Variants in TTN observed in about 807,000 individuals in gnomAD.
TTN encodes titin.
TTN carries 1,525 observed loss-of-function variants against 3,223.0 expected under a neutral mutation model. The ratio of observed to expected loss-of-function variants is 0.47; its 90% CI spans 0.45 to 0.49. TTN has a LOEUF of 0.49. Among genes scored for constraint, TTN ranks in the 20% least tolerant of loss-of-function variants. TTN has a pLI of 0.00. For missense variants in TTN, 40,786 were observed against 43,424.0 expected (o/e 0.94, Z 5.40); for synonymous variants, 14,094 against 15,161.0 (o/e 0.93, Z 5.17).
chr2:178,732,337 T>G lies in TTN; in HGVS notation c.16632A>C (p.Thr5544=). 6.3e-6 allele frequency: 10 copies of G among 1,599,476 alleles called. No homozygotes were observed. The highest frequency in any genetic ancestry group is 8.5e-6 in the Non-Finnish European group (10 of 1,171,908). Residue 5544 remains threonine (T), a synonymous_variant, in exon 57 of 363, where the codon ACA becomes ACC. Transcript: ENST00000589042. The part of the protein sequence containing the change: ...SANLFVKEPA[T]FVEKLEPSQL... The stretch of plus-strand genomic sequence containing the variant: ...GTGATGGCTCTAACTTTTCAACAAA[T>G]GTGGCAGGTTCTGTGGAAGGAAGGA...
At chr2:178,710,551 A>T (rs2076505975) in intron 98 of TTN, 84 bp downstream of exon 98, 1 of 1,445,130 alleles carries the variant, frequency 6.9e-7, no homozygotes, top group South Asian at 1.4e-5. Flanking sequence ...CCTAAATTGC[A>T]TTCATCATCA....
chr2:178,679,723 A>G, intron 140 of TTN, 41 bp from the exon 141 acceptor site: 1 of 1,572,202 alleles, frequency 6.4e-7, no homozygotes, highest in Non-Finnish European at 8.6e-7. Context: ...TTTTGCAGGA[A>G]AGAAATAAAA....
intron 312 of TTN, 182 bp from the exon 313 acceptor site, chr2:178,583,409 A>G: frequency 1.2e-6 from 1 of 808,346 alleles, no homozygotes; most frequent in East Asian, 2.8e-5. Context: ...GAAATTATAT[A>G]GTTGCCACAG....
intron 121 of TTN, among the ~76,000 whole-genome samples, chr2:178,691,729 C>T (rs1362827658): frequency 3.3e-5 from 5 of 152,104 alleles, no homozygotes; most frequent in Non-Finnish European, 7.4e-5. Flanking sequence ...AAACAAGTTT[C>T]ACAAACATTT....
rs773410270 is a variant in TTN, at chr2:178,580,059, T to G, written c.67228A>C (p.Lys22410Gln). The stretch of plus-strand genomic sequence containing the variant: ...AAATTAGCTACTCTGAAGCTTGTTT[T>G]GGAGCACTCAGTTGTCACTGTAGAC... ...SWSTVTTECS[K>Q]TSFRVANLEE... Residue 22410 changes from lysine (K) to glutamine (Q), a missense_variant, in exon 318 of 363, where the codon AAA becomes CAA. Physicochemically the swap from Lys to Gln is moderately conservative, Grantham distance 53 (BLOSUM62 1). Transcript: ENST00000589042. 2 of 1,613,360 alleles carry G rather than the reference T, an allele frequency of 1.2e-6. No individual in the cohort carries two copies. The highest frequency in any genetic ancestry group is 4.5e-5 in the East Asian group (2 of 44,800).
Position 178,599,759 on chromosome 2 carries a change from C to T in TTN, c.56142G>A (p.Pro18714=), listed in dbSNP as rs758771859. The T allele has an allele frequency of 2.3e-5, 37 of 1,612,334 alleles. No homozygotes were observed. The highest frequency in any genetic ancestry group is 3.1e-5 in the Non-Finnish European group (36 of 1,179,152). The change falls in exon 289 of 363, where the codon CCG becomes CCA. Residue 18714 remains proline, a synonymous_variant. Transcript: ENST00000589042. ...IVAKIKGVPF[P]TLTWFKAPPK... is the part of the protein sequence containing the mutation. ...GAGGAGCTTTAAACCAGGTTAGTGTCGGGAATGGCACACCTTTAATTTTGG... is the reference window on the plus strand; with the variant it reads ...GAGGAGCTTTAAACCAGGTTAGTGTTGGGAATGGCACACCTTTAATTTTGG...
intron 2 of TTN, 49 bp from the exon 3 acceptor site, chr2:178,802,390 G>GA (rs1437613949): frequency 2.5e-6 from 4 of 1,575,134 alleles, no homozygotes; most frequent in Non-Finnish European, 2.6e-6. Flanking sequence ...GCACCACAAA[G>GA]TCCTCTGCTC....
chr2:178,576,764 C>T lies in TTN; in HGVS notation c.69480G>A (p.Trp23160Ter). Residue 23160 changes from tryptophan to a stop codon, truncating the protein, a stop_gained, in exon 325 of 363, where the codon TGG (tryptophan) becomes TGA (stop). Transcript: ENST00000589042. LOFTEE classifies it high-confidence loss of function. This position sits in a 1 kb window ranked among gnomAD's most constrained non-coding sequence, Gnocchi z 4.3. ...NVTKNTATVS[W>*]KRPVDDGGSE... ...TGCCACCATCATCCACTGGCCTTTT[C>T]CAGCTGACAGTGGCAGTGTTCTTAG... 1 of 1,613,448 alleles carries T rather than the reference C, an allele frequency of 6.2e-7. No homozygotes were observed. Among genetic ancestry groups the T allele is most frequent in the Non-Finnish European group, 8.5e-7 (1 of 1,179,614 alleles).
intron 6 of TTN, among the ~76,000 whole-genome samples, chr2:178,797,025 A>G (rs1574950846): frequency 6.6e-6 from 1 of 152,220 alleles, no homozygotes; most frequent in African/African-American, 2.4e-5. Context: ...ATTATTGGAA[A>G]GCAAAATTTT....
chr2:178,783,346 T>C (rs915557012), intron 17 of TTN, among the ~76,000 whole-genome samples: 15 of 152,230 alleles, frequency 9.9e-5, no homozygotes, highest in African/African-American at 3.4e-4. Context: ...ATTCTCCTTC[T>C]GTTGTGATGT....
At position 178,686,363 on chromosome 2, in the gene TTN, A is replaced by G. The variant is rs547041070; in HGVS notation, c.32312-765T>C. On this transcript the variant is annotated intron_variant, in intron 127 of 362. Transcript: ENST00000589042. ...TCTCGATCTCCTGACCTCGTGATCC[A>G]CCCGCCTCGGCCTCCCAAAGTGCTG... Among the ~76,000 whole-genome samples the G allele has an allele frequency of 1.9e-3, 292 of 150,164 alleles. 5 individuals are homozygous for G. The South Asian group carries it at 0.024, about 12-fold the overall frequency.
At position 178,779,426 on chromosome 2, in the gene TTN, T is replaced by C. The variant is rs748744696; in HGVS notation, c.3766A>G (p.Lys1256Glu). The C allele has an allele frequency of 5.7e-6, 9 of 1,570,830 alleles. No homozygotes were observed. In the South Asian group the frequency reaches 1.0e-4, roughly 18 times the overall value. The stretch of plus-strand genomic sequence containing the variant: ...TTTATTATTCTATATTCAATTTCTT[T>C]AATAAGTCTCTCTTCAAAGGAAGAA... ...HISSFEERLIKEIEYRIIKTT... is the reference protein window; with the variant it reads ...HISSFEERLIEEIEYRIIKTT... Residue 1256 changes from lysine (K) to glutamate (E), a missense_variant, in exon 23 of 363, where the codon AAA (lysine) becomes GAA (glutamate). Transcript: ENST00000589042.
chr2:178,734,183 CTT>C, intron 52 of TTN, 143 bp downstream of exon 52: 1 of 1,008,394 alleles, frequency 9.9e-7, no homozygotes. Flanking sequence ...AAGTTACTGA[CTT>C]TGTTCCCAAG....
chr2:178,736,701 T>C (rs1408982753), intron 49 of TTN, among the ~76,000 whole-genome samples: 1 of 152,198 alleles, frequency 6.6e-6, no homozygotes. Context: ...CCTCTTATTA[T>C]CTGAAGCTTC....
intron 277 of TTN, 25 bp downstream of exon 277, chr2:178,607,365 GGAAAATCCTGT>G: frequency 6.2e-7 from 1 of 1,612,570 alleles, no homozygotes; most frequent in Non-Finnish European, 8.5e-7. Flanking sequence ...GTATCACTTG[GGAAAATCCTGT>G]GAAAATCAGT....
At position 178,597,774 on chromosome 2, in the gene TTN, A is replaced by G; in HGVS notation, c.57308T>C (p.Val19103Ala). 2.5e-6 allele frequency: 4 copies of G among 1,613,272 alleles called. No individual in the cohort carries two copies. The highest frequency in any genetic ancestry group is 3.4e-6 in the Non-Finnish European group (4 of 1,179,558). ...QLDASVRDRI[V>A]VHAGGVIRII... The stretch of plus-strand genomic sequence containing the variant: ...TCGGATCACCCCTCCAGCATGGACA[A>G]CAATTCTATCTCTGACACTGGCATC... Residue 19103 changes from valine to alanine, a missense_variant, in exon 294 of 363, where the codon GTT (valine) becomes GCT (alanine). Val to Ala is a moderately conservative substitution (Grantham distance 64, BLOSUM62 0). Transcript: ENST00000589042.
At chr2:178,770,804 A>T in intron 34 of TTN, 129 bp from the exon 35 acceptor site, 1 of 1,199,918 alleles carries the variant, frequency 8.3e-7, no homozygotes, top group Non-Finnish European at 1.2e-6. Context: ...GTTATGCAGC[A>T]CCTCTGTTTT....
chr2:178,538,437 G>T, intron 354 of TTN, 103 bp downstream of exon 354: 1 of 1,128,180 alleles, frequency 8.9e-7, no homozygotes, highest in Non-Finnish European at 1.2e-6. Flanking sequence ...CTTAACACTT[G>T]CTCTCCAATA....
chr2:178,574,178 G>A lies in TTN; in HGVS notation c.71954C>T (p.Thr23985Ile). ...NFSNILENEF[T>I]VSGLTEDAAY... ...AGCATCTTCTGTTAGGCCACTGACT[G>A]TAAATTCATTCTCCAAAATGTTGCT... Residue 23985 changes from threonine (T) to isoleucine (I), a missense_variant, in exon 326 of 363, where the codon ACA (threonine) becomes ATA (isoleucine). Thr to Ile is a moderately conservative substitution (Grantham distance 89). Transcript: ENST00000589042. 2.5e-6 allele frequency: 4 copies of A among 1,613,560 alleles called. No individual in the cohort carries two copies. Among genetic ancestry groups the A allele is most frequent in the Non-Finnish European group, 3.4e-6 (4 of 1,179,650 alleles).
Sources: gnomAD v4.1 joint callset for allele counts (sites outside exome capture counted in the v4.1 genomes callset) on GRCh38, gnomAD v4.1.1 for gene constraint, Gnocchi (gnomAD v3.1) non-coding constraint, MANE v1.5 for transcripts, NCBI Gene and HGNC (gene_info 2026-07-23, HGNC 2026-07-21) for gene names.